The following XRCC6 variants were observed in gnomAD, a reference collection of about 807,000 sequenced individuals.
XRCC6 encodes the protein DNA repair protein Ku70.
XRCC6 carries 5 observed loss-of-function variants against 65.7 expected under a neutral mutation model. The ratio of observed to expected loss-of-function variants is 0.08; its 90% confidence interval spans 0.04 to 0.16. The LOEUF (loss-of-function observed/expected upper bound fraction) is 0.16. Ranked by LOEUF, XRCC6 falls within the 10% of genes least tolerant of loss-of-function variation. XRCC6 has a pLI of 1.00. For missense variants in XRCC6, 447 were observed against 738.1 expected, an observed-to-expected ratio of 0.61 and a Z score of 4.57; for synonymous variants, 270 against 270.6, an observed-to-expected ratio of 1.00 and a Z score of 0.02.
intron 6 of XRCC6, among the ~76,000 whole-genome samples, chr22:41,642,027 G>A (rs775148639): frequency 8.9e-4 from 135 of 152,130 alleles, no homozygotes; most frequent in Non-Finnish European, 1.7e-3. Flanking sequence ...GACCTCAGGT[G>A]ATCCACCTGC....
intron 6 of XRCC6, among the ~76,000 whole-genome samples, chr22:41,645,590 C>A (rs1361316838): frequency 6.6e-6 from 1 of 151,896 alleles, no homozygotes; most frequent in Non-Finnish European, 1.5e-5. Context: ...GACTAACATT[C>A]TCCCAAAACT....
intron 3 of XRCC6, among the ~76,000 whole-genome samples, chr22:41,633,727 C>T (rs984890992): frequency 2.6e-5 from 4 of 151,942 alleles, no homozygotes; most frequent in African/African-American, 9.7e-5. Flanking sequence ...ATACCTTCCC[C>T]TCAAAAAAGA....
chr22:41,633,679 C>T (rs1451406759), intron 3 of XRCC6, among the ~76,000 whole-genome samples: 1 of 152,098 alleles, frequency 6.6e-6, no homozygotes, highest in Admixed American at 6.6e-5. Flanking sequence ...CCGCACCTGG[C>T]CAACCGTGGA....
intron 3 of XRCC6, among the ~76,000 whole-genome samples, chr22:41,628,979 A>C (rs1369641813): frequency 1.3e-5 from 2 of 151,472 alleles, no homozygotes; most frequent in Admixed American, 6.6e-5. Context: ...AAAAAAAAAA[A>C]AAAAAAAAAA....
intron 7 of XRCC6, among the ~76,000 whole-genome samples, chr22:41,649,139 A>AAAAAAAAT: frequency 4.5e-5 from 4 of 88,722 alleles, no homozygotes; most frequent in Admixed American, 1.7e-4. Context: ...AAAAAAAAAA[A>AAAAAAAAT]ATATATATAT....
intron 3 of XRCC6, among the ~76,000 whole-genome samples, chr22:41,633,497 C>T (rs1245973372): frequency 6.6e-6 from 1 of 152,058 alleles, no homozygotes; most frequent in Non-Finnish European, 1.5e-5. Context: ...CTGCCTCAGC[C>T]TCCTGAGTAG....
chr22:41,638,978 C>T (rs1033029988), intron 6 of XRCC6, among the ~76,000 whole-genome samples: 1 of 152,046 alleles, frequency 6.6e-6, no homozygotes, highest in South Asian at 2.1e-4. Context: ...ACTACAGATG[C>T]ATGAGTGATG....
chr22:41,628,450 C>G (rs2067703092), intron 3 of XRCC6: 2 of 367,488 alleles, frequency 5.4e-6, no homozygotes, highest in East Asian at 9.9e-5. Context: ...CCTAGCTACT[C>G]AGGAGGCCGA....
intron 7 of XRCC6, among the ~76,000 whole-genome samples, chr22:41,649,165 T>C (rs910969580): frequency 7.1e-6 from 1 of 139,998 alleles, no homozygotes; most frequent in Non-Finnish European, 1.5e-5. Flanking sequence ...TATATATATG[T>C]ATGTATGTGT....
rs71184825 is a variant in XRCC6, at chr22:41,639,667, C to CTTTTT, written c.773+1885_773+1889dup. ...TCCATGTGTAGCCTAGATTCTCTCT[C>CTTTTT]TTTTTTTTTTTTTGAGATGGAGTCT... On this transcript the variant is annotated intron_variant, in intron 6 of 12. Transcript: ENST00000360079. 7.0e-4 allele frequency among the ~76,000 whole-genome samples: 57 copies of CTTTTT among 81,046 alleles called. 8 individuals are homozygous for CTTTTT. In the East Asian group the frequency reaches 0.02, roughly 29 times the overall value. 53.2% of individuals were successfully genotyped at this position (81,046 alleles called of 152,430 possible).
chr22:41,663,902 A>G lies in XRCC6; in HGVS notation c.*87A>G, dbSNP rs950623698. The G allele has an allele frequency of 3.6e-6, 5 of 1,402,180 alleles. No individual in the cohort carries two copies. The African/African-American group carries it at 7.1e-5, about 20-fold the overall frequency. The allele number at this position is 1,402,180 out of a possible 1,614,324, so 86.9% of individuals were successfully genotyped here. ...AGCCAGTTAAAATGTGTTTCTCCTG[A>G]GCTAGGAAGAGTCTACCCGACATAA... On this transcript the variant is annotated 3_prime_UTR_variant, in exon 13 of 13. Coordinates refer to ENST00000360079, the MANE Select transcript of XRCC6 (RefSeq NM_001469.5).
intron 7 of XRCC6, among the ~76,000 whole-genome samples, chr22:41,648,455 A>G (rs61407702): frequency 0.041 from 6,157 of 151,884 alleles, 272 homozygotes; most frequent in African/African-American, 0.094. Context: ...AAGTGAACTC[A>G]TTTTTTTTAG....
chr22:41,653,752 G>C (rs2068021733), intron 9 of XRCC6, 62 bp downstream of exon 9: 2 of 1,567,258 alleles, frequency 1.3e-6, no homozygotes, highest in Non-Finnish European at 1.7e-6. Flanking sequence ...ATCATCCATG[G>C]ACTCCTAATG....
chr22:41,624,521 C>T (rs1202714968), intron 2 of XRCC6, among the ~76,000 whole-genome samples: 1 of 150,994 alleles, frequency 6.6e-6, no homozygotes, highest in Non-Finnish European at 1.5e-5. Flanking sequence ...CCCGTCTCTA[C>T]TAAAAAAATA....
chr22:41,628,222 A>G lies in XRCC6; in HGVS notation c.187A>G (p.Ser63Gly), dbSNP rs1204123047. 1.9e-6 allele frequency: 3 copies of G among 1,612,016 alleles called. No individual in the cohort carries two copies. Among genetic ancestry groups the G allele is most frequent in the East Asian group, 2.2e-5 (1 of 44,858 alleles). Residue 63 changes from serine to glycine, a missense_variant, in exon 3 of 13, where the codon AGC (serine) becomes GGC (glycine). Coordinates refer to ENST00000360079, the MANE Select transcript of XRCC6 (RefSeq NM_001469.5). ...SEDELTPFDMSIQCIQSVYIS... is the reference protein window; with the variant it reads ...SEDELTPFDMGIQCIQSVYIS... The stretch of plus-strand genomic sequence containing the variant: ...AGATGAGTTGACACCTTTTGACATG[A>G]GCATCCAGGTAAGACTACCTTTTAA...
chr22:41,653,780 A>T, intron 9 of XRCC6, 90 bp downstream of exon 9: 2 of 1,457,514 alleles, frequency 1.4e-6, no homozygotes, highest in South Asian at 2.7e-5. Context: ...ACTGAATCAT[A>T]GTCTCTGGGA....
chr22:41,645,638 GTGTTT>G (rs2067923706), intron 6 of XRCC6, among the ~76,000 whole-genome samples: 1 of 151,472 alleles, frequency 6.6e-6, no homozygotes, highest in South Asian at 2.1e-4. Context: ...AAAAATTGGG[GTGTTT>G]TTTTGTTTTG....
intron 3 of XRCC6, among the ~76,000 whole-genome samples, chr22:41,629,627 C>T (rs1601529623): frequency 6.6e-6 from 1 of 152,078 alleles, no homozygotes; most frequent in Non-Finnish European, 1.5e-5. Context: ...TTGGTAGTTG[C>T]ACAACATTGT....
In XRCC6 at chr22:41,648,422, A is replaced by G. The variant is rs573620121; in HGVS notation, c.960+1340A>G. Among the ~76,000 whole-genome samples, 2 of 152,254 alleles carry G rather than the reference A, an allele frequency of 1.3e-5. 1 individual carries two copies. The highest frequency in any genetic ancestry group is 4.1e-4 in the South Asian group (2 of 4,832). ...TTTATAGTTAATTAGGGAGATAAGG[A>G]GTTAGGAAAAGTATGAAGTGTGAAG... On this transcript the variant is annotated intron_variant, in intron 7 of 12. Transcript: ENST00000360079.
Sources: gnomAD v4.1 joint callset for allele counts (sites outside exome capture counted in the v4.1 genomes callset) on GRCh38, gnomAD v4.1.1 for gene constraint, MANE v1.5 for transcripts, NCBI Gene and HGNC (gene_info 2026-07-23, HGNC 2026-07-21) for gene names.